GAS7: variants seen among roughly 807,000 people sequenced by gnomAD.
GAS7 encodes the protein growth arrest specific 7.
GAS7 carries 28 observed loss-of-function variants against 71.1 expected under a neutral mutation model. The observed-to-expected ratio is 0.39, with a 90% CI of 0.29 to 0.54. GAS7 has a LOEUF of 0.54. Among genes scored for constraint, GAS7 ranks in the 20% least tolerant of loss-of-function variants. GAS7 has a pLI of 0.62. For missense variants in GAS7, 436 were observed against 627.8 expected (o/e 0.69, Z 3.27); for synonymous variants, 258 against 245.8 (o/e 1.05, Z -0.46).
intron 1 of GAS7, among the ~76,000 whole-genome samples, chr17:10,101,510 A>G (rs2073698552): frequency 6.6e-6 from 1 of 152,228 alleles, no homozygotes. Flanking sequence ...ACCAGGAGGC[A>G]GGGAGCACAG....
At chr17:10,009,399 G>C (rs955766151) in intron 2 of GAS7, among the ~76,000 whole-genome samples, 1 of 150,788 alleles carries the variant, frequency 6.6e-6, no homozygotes, top group African/African-American at 2.4e-5. Context: ...AAGTTAAATG[G>C]GAATCCACTC....
intron 3 of GAS7, among the ~76,000 whole-genome samples, chr17:9,980,477 G>T (rs1308567151): frequency 6.6e-6 from 1 of 152,148 alleles, no homozygotes; most frequent in Non-Finnish European, 1.5e-5. Context: ...CTTTACACAG[G>T]CTCTCACCTC....
chr17:10,120,839 G>T (rs561658906), intron 1 of GAS7, among the ~76,000 whole-genome samples: 1 of 152,218 alleles, frequency 6.6e-6, no homozygotes. Context: ...AGGCTGCTAG[G>T]GGGAGGGAGG....
intron 8 of GAS7, among the ~76,000 whole-genome samples, chr17:9,938,906 G>A (rs1179510779): frequency 2.0e-5 from 3 of 152,170 alleles, no homozygotes; most frequent in Non-Finnish European, 1.5e-5. Flanking sequence ...CTGTAACTTA[G>A]CAGAATGTTT....
chr17:9,953,314 G>A (rs1309117119), intron 5 of GAS7, among the ~76,000 whole-genome samples: 1 of 152,138 alleles, frequency 6.6e-6, no homozygotes, highest in Non-Finnish European at 1.5e-5. Flanking sequence ...TCATCACCCT[G>A]CTGCTTCTGC....
At chr17:9,948,197 C>T (rs368725323) in intron 5 of GAS7, among the ~76,000 whole-genome samples, 1 of 152,148 alleles carries the variant, frequency 6.6e-6, no homozygotes, top group Non-Finnish European at 1.5e-5. Flanking sequence ...GAGGGGGCAC[C>T]CCTAGCTCCC....
At chr17:10,154,650 C>G (rs1356480187) in intron 1 of GAS7, among the ~76,000 whole-genome samples, 1 of 152,052 alleles carries the variant, frequency 6.6e-6, no homozygotes, top group Non-Finnish European at 1.5e-5. Context: ...GCCGCCCAAC[C>G]GCCCATCTCT....
At chr17:10,076,142 G>C (rs928696205) in intron 1 of GAS7, among the ~76,000 whole-genome samples, 1 of 133,790 alleles carries the variant, frequency 7.5e-6, no homozygotes, top group Non-Finnish European at 1.6e-5. Flanking sequence ...GAAAACGAAG[G>C]GGGGGAATGG....
chr17:10,109,061 A>C (rs1219708397), intron 1 of GAS7, among the ~76,000 whole-genome samples: 1 of 152,208 alleles, frequency 6.6e-6, no homozygotes, highest in East Asian at 1.9e-4. Flanking sequence ...GAATATTTGA[A>C]AACTATTTAT....
At chr17:10,124,470 CG>C (rs1461943444) in intron 1 of GAS7, among the ~76,000 whole-genome samples, 1 of 152,246 alleles carries the variant, frequency 6.6e-6, no homozygotes, top group Non-Finnish European at 1.5e-5. Context: ...ACTGGCAGAT[CG>C]GGGCTCTGGC....
intron 1 of GAS7, among the ~76,000 whole-genome samples, chr17:10,033,550 A>G (rs1401004735): frequency 6.6e-6 from 1 of 152,210 alleles, no homozygotes; most frequent in Non-Finnish European, 1.5e-5. Flanking sequence ...TAACAGGCTC[A>G]GTATCTCATG....
At chr17:10,182,873 T>C (rs1342905204) in intron 1 of GAS7, among the ~76,000 whole-genome samples, 1 of 152,168 alleles carries the variant, frequency 6.6e-6, no homozygotes, top group Non-Finnish European at 1.5e-5. Flanking sequence ...CAAAAACGAA[T>C]GCTTGAGTCC....
rs1195684644 is a variant in GAS7, at chr17:9,943,063, C to T, written c.731+58G>A. 2.8e-5 allele frequency: 32 copies of T among 1,152,802 alleles called. No individual in the cohort carries two copies. In the South Asian group the frequency reaches 3.1e-4, roughly 11 times the overall value. The allele number at this position is 1,152,802 out of a possible 1,614,324, so 71.4% of individuals were successfully genotyped here. The stretch of plus-strand genomic sequence containing the variant: ...CTGTGCTGTCGCCCCGCCCCGGCCA[C>T]GGGGCCCCGGGGAACACTGGTGCCA... On this transcript the variant is annotated intron_variant, in intron 7 of 13. Coordinates refer to ENST00000432992, the MANE Select transcript of GAS7 (RefSeq NM_201433.2).
intron 1 of GAS7, among the ~76,000 whole-genome samples, chr17:10,063,627 C>T (rs2073244037): frequency 6.6e-6 from 1 of 152,280 alleles, no homozygotes; most frequent in East Asian, 1.9e-4. Flanking sequence ...GTGCCGAGAT[C>T]AGGGTGTCAG....
At chr17:10,113,918 T>G (rs868117400) in intron 1 of GAS7, among the ~76,000 whole-genome samples, 1 of 152,054 alleles carries the variant, frequency 6.6e-6, no homozygotes, top group African/African-American at 2.4e-5. Flanking sequence ...CATACTTCTG[T>G]CTCTTTTGTT....
intron 2 of GAS7, among the ~76,000 whole-genome samples, chr17:10,015,578 C>T (rs944881770): frequency 6.6e-6 from 1 of 152,184 alleles, no homozygotes; most frequent in African/African-American, 2.4e-5. Flanking sequence ...CTCATAGATG[C>T]CTTCCTGCAG....
intron 1 of GAS7, among the ~76,000 whole-genome samples, chr17:10,077,336 A>T (rs2073406045): frequency 6.6e-6 from 1 of 152,238 alleles, no homozygotes. Context: ...AAAGCCACAA[A>T]GAAGAAAAAA....
intron 2 of GAS7, among the ~76,000 whole-genome samples, chr17:10,017,717 C>T (rs1241226675): frequency 1.3e-5 from 2 of 152,204 alleles, no homozygotes; most frequent in Non-Finnish European, 2.9e-5. Flanking sequence ...CACAGCTACA[C>T]TCATTTGTTT....
intron 4 of GAS7, among the ~76,000 whole-genome samples, chr17:9,965,190 A>G (rs915011945): frequency 2.6e-5 from 4 of 152,240 alleles, no homozygotes; most frequent in Admixed American, 1.3e-4. Context: ...CCAAAGGAAT[A>G]TAAGTCATTC....
Sources: allele counts gnomAD v4.1 joint callset (sites outside exome capture counted in the v4.1 genomes callset), GRCh38; gene constraint gnomAD v4.1.1; transcripts MANE v1.5; gene names NCBI Gene and HGNC (gene_info 2026-07-23, HGNC 2026-07-21).